ROBO2: variants seen among roughly 807,000 people sequenced by gnomAD.
ROBO2 encodes the protein roundabout guidance receptor 2, also known as roundabout homolog 2.
In ROBO2, 53 loss-of-function variants were observed where a neutral mutation model predicts 160.8. The ratio of observed to expected loss-of-function variants is 0.33; its 90% CI spans 0.26 to 0.41. The LOEUF (loss-of-function observed/expected upper bound fraction) is 0.41. Ranked by LOEUF, ROBO2 falls within the 10% of genes least tolerant of loss-of-function variation. The probability of loss-of-function intolerance (pLI) is 1.00; values close to 1 mark genes in which losing one functional copy is unlikely to be tolerated. For missense variants in ROBO2, 1,577 were observed against 1,722.4 expected (o/e 0.92, Z 1.49); for synonymous variants, 664 against 611.7 (o/e 1.09, Z -1.26).
intron 2 of ROBO2, among the ~76,000 whole-genome samples, chr3:75,979,981 T>C (rs1448984854): frequency 1.3e-5 from 2 of 151,732 alleles, no homozygotes; most frequent in Non-Finnish European, 3.0e-5. Flanking sequence ...TGCTGAATTA[T>C]ATGCATCATA....
At chr3:76,136,743 G>A (rs910881050) in intron 2 of ROBO2, among the ~76,000 whole-genome samples, 1 of 151,904 alleles carries the variant, frequency 6.6e-6, no homozygotes, top group African/African-American at 2.4e-5. Context: ...GGGAAAAGGA[G>A]GTTGTAAAAA....
intron 2 of ROBO2, among the ~76,000 whole-genome samples, chr3:76,747,482 G>T (rs1379635765): frequency 6.6e-6 from 1 of 152,002 alleles, no homozygotes. Flanking sequence ...AAAGAAAAAG[G>T]AGGAAATTAG....
intron 2 of ROBO2, chr3:76,435,025 T>C (rs1185460820): frequency 1.4e-6 from 2 of 1,409,100 alleles, no homozygotes; most frequent in Non-Finnish European, 1.0e-6. Context: ...AACCTGGTGA[T>C]TGAGGATGCA....
chr3:76,652,514 T>C lies in ROBO2; in HGVS notation c.110-445500T>C, dbSNP rs373335889. ...TTTGTGCTATACTCTGTACCTTAAATTCAGATGAGTTGTTCATCTTGATTA... is the reference window on the plus strand; with the variant it reads ...TTTGTGCTATACTCTGTACCTTAAACTCAGATGAGTTGTTCATCTTGATTA... On this transcript the variant is annotated intron_variant, in intron 2 of 26. Transcript: ENST00000487694. Among the ~76,000 whole-genome samples the C allele has an allele frequency of 7.0e-4, 107 of 152,220 alleles. 1 individual carries two copies. In the South Asian group the frequency reaches 8.1e-3, roughly 11 times the overall value.
intron 6 of ROBO2, among the ~76,000 whole-genome samples, chr3:77,537,606 A>G (rs892458124): frequency 5.9e-5 from 9 of 152,134 alleles, no homozygotes; most frequent in Non-Finnish European, 1.0e-4. Flanking sequence ...AAGCACATAC[A>G]TATATATGCT....
intron 2 of ROBO2, among the ~76,000 whole-genome samples, chr3:77,240,223 C>A (rs1208509836): frequency 6.6e-6 from 1 of 152,156 alleles, no homozygotes; most frequent in Non-Finnish European, 1.5e-5. Context: ...AGGTCCTGAG[C>A]CCTGCCCCGC....
chr3:76,361,302 CT>C (rs1465315032), intron 2 of ROBO2, among the ~76,000 whole-genome samples: 1 of 152,038 alleles, frequency 6.6e-6, no homozygotes, highest in African/African-American at 2.4e-5. Context: ...GCCATGTGTG[CT>C]TTTCCAACTT....
chr3:76,671,104 C>T (rs909485021), intron 2 of ROBO2, among the ~76,000 whole-genome samples: 1 of 152,184 alleles, frequency 6.6e-6, no homozygotes, highest in East Asian at 1.9e-4. Context: ...GCATTACATG[C>T]TTAACTAACT....
intron 2 of ROBO2, among the ~76,000 whole-genome samples, chr3:77,437,118 A>T (rs1042397337): frequency 1.2e-4 from 19 of 152,022 alleles, no homozygotes; most frequent in African/African-American, 4.6e-4. Flanking sequence ...ATAATCCCTG[A>T]CAAAGGATGA....
At chr3:76,982,374 A>T (rs182094970) in intron 2 of ROBO2, among the ~76,000 whole-genome samples, 3 of 152,194 alleles carry the variant, frequency 2.0e-5, no homozygotes, top group Non-Finnish European at 4.4e-5. Flanking sequence ...GTTGAAAATC[A>T]ATTGACTGCG....
intron 2 of ROBO2, among the ~76,000 whole-genome samples, chr3:77,476,018 A>G (rs1185783763): frequency 1.3e-5 from 2 of 152,208 alleles, no homozygotes; most frequent in African/African-American, 2.4e-5. Flanking sequence ...TGCTCCTTCA[A>G]TAAGAGACAA....
chr3:76,558,161 C>T (rs1443053079), intron 2 of ROBO2, among the ~76,000 whole-genome samples: 1 of 151,992 alleles, frequency 6.6e-6, no homozygotes. Flanking sequence ...ATAATAAACT[C>T]TTTGGCAAGT....
At chr3:76,761,162 A>C (rs564497658) in intron 2 of ROBO2, among the ~76,000 whole-genome samples, 4 of 151,902 alleles carry the variant, frequency 2.6e-5, no homozygotes, top group African/African-American at 7.2e-5. Context: ...TGTTAAACAC[A>C]AATAGCAGTG....
intron 2 of ROBO2, among the ~76,000 whole-genome samples, chr3:76,781,004 T>C (rs921746721): frequency 2.0e-5 from 3 of 150,788 alleles, no homozygotes; most frequent in African/African-American, 7.3e-5. Context: ...TCACTTTAGG[T>C]ATTATGAACA....
intron 2 of ROBO2, among the ~76,000 whole-genome samples, chr3:76,531,486 TTTAA>T (rs1299664973): frequency 6.6e-6 from 1 of 151,688 alleles, no homozygotes; most frequent in South Asian, 2.1e-4. Context: ...GAATATATTT[TTTAA>T]TTAACTTATG....
intron 2 of ROBO2, among the ~76,000 whole-genome samples, chr3:77,245,392 T>C (rs1350572309): frequency 6.6e-6 from 1 of 152,228 alleles, no homozygotes; most frequent in Non-Finnish European, 1.5e-5. Flanking sequence ...GTTAGGTAGA[T>C]TTGACTCAGA....
At position 75,998,665 on chromosome 3, in the gene ROBO2, A is replaced by G. The variant is rs182493798; in HGVS notation, c.109+61063A>G. ...ACAATGTCAGTTTCTATCAGCATGC[A>G]GCAGGCGTATCCCTCTCCATGCACA... On this transcript the variant is annotated intron_variant, in intron 2 of 26. Transcript: ENST00000487694. 2.9e-3 allele frequency among the ~76,000 whole-genome samples: 442 copies of G among 152,358 alleles called. 6 individuals are homozygous for G. Among genetic ancestry groups the G allele is most frequent in the Admixed American group, 0.025 (379 of 15,310 alleles).
chr3:77,582,769 C>G (rs878939275), intron 16 of ROBO2, among the ~76,000 whole-genome samples: 1 of 151,850 alleles, frequency 6.6e-6, no homozygotes, highest in South Asian at 2.1e-4. Context: ...TTGTTTTTGC[C>G]TTAAACATCA....
chr3:77,133,646 A>T (rs574936728), intron 2 of ROBO2, among the ~76,000 whole-genome samples: 37 of 152,170 alleles, frequency 2.4e-4, no homozygotes, highest in Non-Finnish European at 4.9e-4. Context: ...TTTTATATTT[A>T]TTCCTAATGA....
Sources: allele counts gnomAD v4.1 joint callset (sites outside exome capture counted in the v4.1 genomes callset), GRCh38; gene constraint gnomAD v4.1.1; transcripts MANE v1.5; gene names NCBI Gene and HGNC (gene_info 2026-07-23, HGNC 2026-07-21).